Variants in CNBD1 observed in about 807,000 individuals in gnomAD.
CNBD1 encodes cyclic nucleotide binding domain containing 1.
Under a neutral mutation model 54.4 loss-of-function variants are expected in CNBD1, and 71 were observed. The ratio of observed to expected loss-of-function variants is 1.30; its 90% CI spans 1.08 to 1.59. The LOEUF is 1.59. Ranked by LOEUF, CNBD1 falls within the 40% of genes most tolerant of loss-of-function variation. CNBD1 has a pLI of 0.00. For synonymous variants in CNBD1, 182 were observed against 170.7 expected, an observed-to-expected ratio of 1.07 and a Z score of -0.51; for missense variants, 659 against 518.0, an observed-to-expected ratio of 1.27 and a Z score of -2.64.
At chr8:87,144,636 A>G (rs1812444139) in intron 4 of CNBD1, among the ~76,000 whole-genome samples, 1 of 152,146 alleles carries the variant, frequency 6.6e-6, no homozygotes, top group Non-Finnish European at 1.5e-5. Flanking sequence ...AGTGTGACCA[A>G]CATGGAGAAA....
At chr8:87,245,612 TA>T (rs375361889) in intron 6 of CNBD1, among the ~76,000 whole-genome samples, 5,028 of 151,854 alleles carry the variant, frequency 0.033, 242 homozygotes, top group African/African-American at 0.1. Flanking sequence ...TATGTAAGAT[TA>T]AAAAAAAGTG....
intron 4 of CNBD1, among the ~76,000 whole-genome samples, chr8:87,181,820 TTC>T (rs1285928773): frequency 6.6e-6 from 1 of 152,202 alleles, no homozygotes; most frequent in African/African-American, 2.4e-5. Context: ...TAGAACTTTC[TTC>T]TTTCTAATAT....
At chr8:87,116,372 T>G in intron 4 of CNBD1, among the ~76,000 whole-genome samples, 1 of 151,658 alleles carries the variant, frequency 6.6e-6, no homozygotes, top group East Asian at 1.9e-4. Flanking sequence ...TGGCTAATTT[T>G]TGTGGTTTTT....
rs760127423 is a variant in CNBD1 at position 86,961,574 on chromosome 8, G to A, written c.431+21820G>A. Among the ~76,000 whole-genome samples the A allele has an allele frequency of 4.1e-4, 62 of 152,338 alleles. 1 individual carries two copies. Among genetic ancestry groups the A allele is most frequent in the Non-Finnish European group, 3.2e-4 (22 of 68,042 alleles). On this transcript the variant is annotated intron_variant, in intron 4 of 10. Transcript: ENST00000518476. ...TCAGAACCTCTGCCAAGGGCATCCC[G>A]TTTGGAGAGGTGGAGGTCCAGAGGA...
chr8:86,910,400 G>T (rs947581663), intron 3 of CNBD1, among the ~76,000 whole-genome samples: 1 of 152,030 alleles, frequency 6.6e-6, no homozygotes, highest in Non-Finnish European at 1.5e-5. Flanking sequence ...ACACTGGAGA[G>T]AAAAAGGAAT....
chr8:86,892,139 T>G (rs1407015087), intron 2 of CNBD1, among the ~76,000 whole-genome samples: 1 of 152,084 alleles, frequency 6.6e-6, no homozygotes, highest in Non-Finnish European at 1.5e-5. Flanking sequence ...TTGTTCTTGA[T>G]CTTAGATGAA....
chr8:87,159,720 T>C (rs951847829), intron 4 of CNBD1, among the ~76,000 whole-genome samples: 4 of 152,150 alleles, frequency 2.6e-5, no homozygotes, highest in Non-Finnish European at 5.9e-5. Context: ...GCAAGAGGTC[T>C]ACCCCTGGAA....
chr8:87,185,089 T>C (rs1359343709), intron 4 of CNBD1, among the ~76,000 whole-genome samples: 1 of 152,222 alleles, frequency 6.6e-6, no homozygotes, highest in African/African-American at 2.4e-5. Context: ...GGATATACTT[T>C]GTATGATTTT....
intron 10 of CNBD1, among the ~76,000 whole-genome samples, chr8:87,372,018 T>C (rs980027714): frequency 6.6e-6 from 1 of 151,866 alleles, no homozygotes; most frequent in Admixed American, 6.6e-5. Context: ...AAATAAAGGG[T>C]ATTCAATTAG....
chr8:87,130,569 G>A (rs1457073044), intron 4 of CNBD1, among the ~76,000 whole-genome samples: 1 of 152,030 alleles, frequency 6.6e-6, no homozygotes, highest in Non-Finnish European at 1.5e-5. Flanking sequence ...TTGAGCCCAG[G>A]AGGTCAAGAC....
At chr8:87,380,918 C>T (rs771344903) in intron 10 of CNBD1, among the ~76,000 whole-genome samples, 12 of 151,958 alleles carry the variant, frequency 7.9e-5, no homozygotes, top group Non-Finnish European at 1.2e-4. Context: ...GACACAAATG[C>T]AAGAATTGTA....
intron 4 of CNBD1, among the ~76,000 whole-genome samples, chr8:87,082,982 C>T (rs1811026852): frequency 6.6e-6 from 1 of 152,152 alleles, no homozygotes; most frequent in African/African-American, 2.4e-5. Flanking sequence ...AATAATATCA[C>T]CTCACATGTT....
chr8:87,048,913 A>G lies in CNBD1; in HGVS notation c.431+109159A>G, dbSNP rs532777766. ...CCCAAAACAATCTTTGGGTGCATTG[A>G]TAAGTCTTATCCCCACCTAGGTGAA... On this transcript the variant is annotated intron_variant, in intron 4 of 10. Coordinates refer to ENST00000518476, the MANE Select transcript of CNBD1 (RefSeq NM_173538.3). Among the ~76,000 whole-genome samples, 11 of 152,304 alleles carry G rather than the reference A, an allele frequency of 7.2e-5. No individual in the cohort carries two copies. The South Asian group carries it at 2.3e-3, about 32-fold the overall frequency.
intron 3 of CNBD1, 79 bp from the exon 4 acceptor site, chr8:86,939,517 C>T: frequency 1.0e-6 from 1 of 976,132 alleles, no homozygotes. Context: ...CATTTATACT[C>T]CTGCAATATA....
rs113396671 is a variant in CNBD1, at chr8:87,102,791, T to A, written c.432-103202T>A. ...AAAACGCCCGGCTAATTTTTTTGTA[T>A]TTTTAGTAGAGACGGGGTTTCACTG... On this transcript the variant is annotated intron_variant, in intron 4 of 10. Coordinates refer to ENST00000518476, the MANE Select transcript of CNBD1 (RefSeq NM_173538.3). 9.4e-3 allele frequency among the ~76,000 whole-genome samples: 1,436 copies of A among 152,180 alleles called. 16 individuals are homozygous for A. The highest frequency in any genetic ancestry group is 0.014 in the Non-Finnish European group (948 of 68,006).
intron 8 of CNBD1, among the ~76,000 whole-genome samples, chr8:87,327,840 T>C (rs569369220): frequency 6.6e-6 from 1 of 152,278 alleles, no homozygotes; most frequent in Non-Finnish European, 1.5e-5. Context: ...TTTTCTTAGG[T>C]TTTCTTCTAG....
At chr8:86,940,132 CTTT>C (rs10671983) in intron 4 of CNBD1, among the ~76,000 whole-genome samples, 5 of 88,742 alleles carry the variant, frequency 5.6e-5, no homozygotes, top group African/African-American at 1.4e-4. Context: ...CCACATGTTA[CTTT>C]TTTTTTTTTT....
intron 4 of CNBD1, among the ~76,000 whole-genome samples, chr8:87,054,019 T>A (rs1415685239): frequency 6.6e-6 from 1 of 152,270 alleles, no homozygotes; most frequent in Non-Finnish European, 1.5e-5. Context: ...GGCTAAAATC[T>A]GCCTTTCAAG....
intron 3 of CNBD1, among the ~76,000 whole-genome samples, chr8:86,932,250 T>G (rs761230482): frequency 3.3e-5 from 5 of 152,176 alleles, no homozygotes; most frequent in Non-Finnish European, 5.9e-5. Context: ...ATCTGAAAAC[T>G]TCCCCAGGTC....
Sources: allele counts gnomAD v4.1 joint callset (sites outside exome capture counted in the v4.1 genomes callset), GRCh38; gene constraint gnomAD v4.1.1; transcripts MANE v1.5; gene names NCBI Gene and HGNC (gene_info 2026-07-23, HGNC 2026-07-21).